The following NRCAM variants were observed in gnomAD, a reference collection of about 807,000 sequenced individuals.
The protein encoded by NRCAM is NgCAM-related cell adhesion molecule.
A neutral mutation model predicts 156.5 loss-of-function variants in NRCAM; 83 were observed. That is an observed-to-expected ratio of 0.53 (90% CI 0.44 to 0.64). NRCAM has a LOEUF of 0.64. NRCAM is among the 30% of genes least tolerant of loss of function. The pLI is 0.00. For synonymous variants in NRCAM, 538 were observed against 563.9 expected (o/e 0.95, Z 0.65); for missense variants, 1,417 against 1,597.3 (o/e 0.89, Z 1.92).
intron 2 of NRCAM, among the ~76,000 whole-genome samples, chr7:108,392,585 C>T (rs567631502): frequency 6.6e-6 from 1 of 152,352 alleles, no homozygotes; most frequent in Admixed American, 6.5e-5. Context: ...CAAAGTCATT[C>T]TCCGTCCAGC....
intron 1 of NRCAM, among the ~76,000 whole-genome samples, chr7:108,430,836 T>C (rs894786972): frequency 2.0e-5 from 3 of 151,992 alleles, no homozygotes; most frequent in African/African-American, 7.2e-5. Context: ...TAGGAAGAGG[T>C]AGCCATGGCT....
chr7:108,371,973 CA>C (rs1400884217), intron 2 of NRCAM, among the ~76,000 whole-genome samples: 13 of 152,192 alleles, frequency 8.5e-5, no homozygotes, highest in Non-Finnish European at 1.8e-4. Context: ...AAATATATTA[CA>C]AAGCTACAGT....
chr7:108,151,413 A>G (rs1252646592), intron 32 of NRCAM, among the ~76,000 whole-genome samples: 4 of 152,176 alleles, frequency 2.6e-5, no homozygotes, highest in Non-Finnish European at 4.4e-5. Context: ...TCTGTTTCAG[A>G]CAGTGACTTT....
intron 2 of NRCAM, among the ~76,000 whole-genome samples, chr7:108,364,868 C>T (rs1000023809): frequency 1.2e-4 from 18 of 152,096 alleles, no homozygotes; most frequent in Non-Finnish European, 2.2e-4. Flanking sequence ...TGTATGGGAA[C>T]ATAGCTTCTT....
At chr7:108,402,211 A>T (rs1334026356) in intron 1 of NRCAM, among the ~76,000 whole-genome samples, 1 of 152,194 alleles carries the variant, frequency 6.6e-6, no homozygotes, top group African/African-American at 2.4e-5. Flanking sequence ...TCTTACATTC[A>T]TCTTCAATCC....
intron 11 of NRCAM, among the ~76,000 whole-genome samples, chr7:108,212,388 C>T (rs573408528): frequency 6.6e-6 from 1 of 152,140 alleles, no homozygotes; most frequent in Non-Finnish European, 1.5e-5. Context: ...GGATCCAAAC[C>T]AAGAAGAAAT....
At chr7:108,251,926 G>A (rs1478555587) in intron 3 of NRCAM, among the ~76,000 whole-genome samples, 1 of 152,190 alleles carries the variant, frequency 6.6e-6, no homozygotes, top group Non-Finnish European at 1.5e-5. Flanking sequence ...GTGGGTGACA[G>A]TGCAAGACTG....
intron 3 of NRCAM, among the ~76,000 whole-genome samples, chr7:108,267,150 A>G (rs146953912): frequency 6.6e-6 from 1 of 152,314 alleles, no homozygotes; most frequent in African/African-American, 2.4e-5. Flanking sequence ...AATCTTTTAT[A>G]ATAAGCGGTA....
intron 3 of NRCAM, among the ~76,000 whole-genome samples, chr7:108,254,071 T>C (rs1198112852): frequency 1.3e-5 from 2 of 152,064 alleles, no homozygotes; most frequent in Admixed American, 1.3e-4. Flanking sequence ...TAAGAGAATA[T>C]CTCGCAACCT....
intron 3 of NRCAM, among the ~76,000 whole-genome samples, chr7:108,246,810 GT>G (rs1288101801): frequency 2.6e-5 from 4 of 152,176 alleles, no homozygotes; most frequent in Non-Finnish European, 5.9e-5. Context: ...AATATGGCAG[GT>G]AGACTGTTGC....
intron 7 of NRCAM, among the ~76,000 whole-genome samples, chr7:108,231,926 G>A (rs1366891293): frequency 6.6e-6 from 1 of 152,140 alleles, no homozygotes; most frequent in East Asian, 1.9e-4. Context: ...TCCACTTCCA[G>A]TAAAATTTTG....
chr7:108,373,195 T>C (rs2055150065), intron 2 of NRCAM, among the ~76,000 whole-genome samples: 1 of 152,004 alleles, frequency 6.6e-6, no homozygotes. Context: ...GGGGTGGAAG[T>C]AGGAGGAAAT....
At chr7:108,164,355 C>T (rs183242712) in intron 30 of NRCAM, among the ~76,000 whole-genome samples, 281 of 151,998 alleles carry the variant, frequency 1.8e-3, no homozygotes, top group Non-Finnish European at 2.4e-3. Flanking sequence ...CCTTAGAAAT[C>T]CAGGGTATAA....
chr7:108,177,586 G>C (rs2061166905), intron 26 of NRCAM, among the ~76,000 whole-genome samples: 2 of 150,884 alleles, frequency 1.3e-5, no homozygotes, highest in South Asian at 4.2e-4. Flanking sequence ...TCTCACCACT[G>C]CACTCCAGCC....
chr7:108,335,461 A>ATTTTTTTTTTTTTTTT (rs2099173387), intron 2 of NRCAM, among the ~76,000 whole-genome samples: 2 of 25,548 alleles, frequency 7.8e-5, no homozygotes, highest in South Asian at 1.7e-3. Flanking sequence ...TTTTTTTTTC[A>ATTTTTTTTTTTTTTTT]GTTTTCACTG....
At chr7:108,354,971 C>G (rs909772316) in intron 2 of NRCAM, among the ~76,000 whole-genome samples, 4 of 151,632 alleles carry the variant, frequency 2.6e-5, no homozygotes, top group Admixed American at 2.6e-4. Flanking sequence ...ATACAACATA[C>G]AAACTATCCA....
intron 1 of NRCAM, among the ~76,000 whole-genome samples, chr7:108,436,157 A>T (rs551617232): frequency 1.3e-5 from 2 of 151,990 alleles, no homozygotes; most frequent in Non-Finnish European, 1.5e-5. Context: ...AATAAATAAA[A>T]AATAATTCGC....
At chr7:108,181,786 A>G in intron 24 of NRCAM, 36 bp downstream of exon 24, 2 of 1,438,356 alleles carry the variant, frequency 1.4e-6, no homozygotes, top group Admixed American at 3.4e-5. Context: ...TGCAGCCCTT[A>G]CTAAATAAAG....
intron 2 of NRCAM, among the ~76,000 whole-genome samples, chr7:108,387,812 G>C (rs957869585): frequency 6.6e-6 from 1 of 150,738 alleles, no homozygotes; most frequent in East Asian, 2.0e-4. Context: ...TGCAGTGTTT[G>C]GTTTTCTGTC....
Sources: allele counts gnomAD v4.1 joint callset (sites outside exome capture counted in the v4.1 genomes callset), GRCh38; gene constraint gnomAD v4.1.1; transcripts MANE v1.5; gene names NCBI Gene and HGNC (gene_info 2026-07-23, HGNC 2026-07-21).